Variants in OSBPL5 observed in about 807,000 individuals in gnomAD.
OSBPL5 encodes oxysterol binding protein like 5.
A neutral mutation model predicts 111.2 loss-of-function variants in OSBPL5; 71 were observed. The observed-to-expected ratio is 0.64, with a 90% CI of 0.53 to 0.78. The LOEUF (loss-of-function observed/expected upper bound fraction) is 0.78, where lower values mean the gene tolerates loss of function less well. Among genes scored for constraint, OSBPL5 ranks in the 30% least tolerant of loss-of-function variants. The pLI is 0.00. For missense variants in OSBPL5, 1,210 were observed against 1,189.3 expected, an observed-to-expected ratio of 1.02 and a Z score of -0.26; for synonymous variants, 549 against 513.9, an observed-to-expected ratio of 1.07 and a Z score of -0.93.
At chr11:3,125,188 G>A (rs1858569862) in intron 3 of OSBPL5, among the ~76,000 whole-genome samples, 1 of 152,230 alleles carries the variant, frequency 6.6e-6, no homozygotes, top group African/African-American at 2.4e-5. Context: ...GCTCAGAACT[G>A]TGAACTTCAG....
Position 3,156,920 on chromosome 11 carries a change from C to A in OSBPL5, c.-22+8296G>T, listed in dbSNP as rs1846779147. ...CTGGGGCTTTAAGACTTGCCCATGGCCCCACACAGGGTGGGGATTCCCACC... is the reference window on the plus strand; with the variant it reads ...CTGGGGCTTTAAGACTTGCCCATGGACCCACACAGGGTGGGGATTCCCACC... On this transcript the variant is annotated intron_variant, in intron 1 of 21. Transcript: ENST00000263650. Among the ~76,000 whole-genome samples the A allele has an allele frequency of 2.6e-5, 4 of 152,190 alleles. No homozygotes were observed. In the South Asian group the frequency reaches 8.3e-4, roughly 31 times the overall value.
intron 15 of OSBPL5, 132 bp from the exon 16 acceptor site, chr11:3,093,967 G>A (rs572059635): frequency 9.1e-6 from 10 of 1,100,762 alleles, no homozygotes; most frequent in South Asian, 3.0e-5. Flanking sequence ...CCCAACCCTC[G>A]CCAACGAGGC....
At position 3,162,137 on chromosome 11, in the gene OSBPL5, A is replaced by G. The variant is rs1846983905; in HGVS notation, c.-22+3079T>C. Among the ~76,000 whole-genome samples the G allele has an allele frequency of 6.6e-6, 1 of 152,120 alleles. No individual in the cohort carries two copies. The highest frequency in any genetic ancestry group is 2.1e-4 in the South Asian group (1 of 4,830). ...TACATGAAGTGGTTTATCTTTTTAA[A>G]CACCATGCTGGCTGCTGGCTGGAGA... On this transcript the variant is annotated intron_variant, in intron 1 of 21. Coordinates refer to ENST00000263650, the MANE Select transcript of OSBPL5 (RefSeq NM_020896.4). The surrounding 1 kb of genome is among the most constrained non-coding windows in gnomAD (Gnocchi z 8.1).
chr11:3,116,856 A>C (rs1052125503), intron 7 of OSBPL5, among the ~76,000 whole-genome samples: 41 of 141,844 alleles, frequency 2.9e-4, no homozygotes, highest in Non-Finnish European at 4.5e-4. Context: ...CTCCATCACA[A>C]AAAAAAAAAA....
chr11:3,087,305 C>T lies in OSBPL5; in HGVS notation c.*900G>A, dbSNP rs117001564. 4.5e-3 allele frequency: 697 copies of T among 154,296 alleles called. 4 individuals carry two copies. Among genetic ancestry groups the T allele is most frequent in the Non-Finnish European group, 7.6e-3 (520 of 68,434 alleles). The allele number at this position is 154,296 out of a possible 1,614,324, so 9.6% of individuals were successfully genotyped here. ...ATATATGTGTAGAGGCTCACACACG[C>T]GCACACGCACACGCAGAGCGGCACT... On this transcript the variant is annotated 3_prime_UTR_variant, in exon 22 of 22. Transcript: ENST00000263650.
chr11:3,117,333 A>G (rs2121439), intron 7 of OSBPL5, among the ~76,000 whole-genome samples: 22,279 of 152,214 alleles, frequency 0.15, 1,755 homozygotes, highest in East Asian at 0.25. Flanking sequence ...GGAGCTCCAA[A>G]TTTATCTTGG....
At chr11:3,097,366 A>G (rs1421999237) in intron 14 of OSBPL5, among the ~76,000 whole-genome samples, 1 of 152,108 alleles carries the variant, frequency 6.6e-6, no homozygotes, top group Non-Finnish European at 1.5e-5. Flanking sequence ...GAGTCAAGGA[A>G]ACATTTGTAT....
chr11:3,114,323 A>G (rs2134443133), intron 7 of OSBPL5, among the ~76,000 whole-genome samples: 1 of 152,272 alleles, frequency 6.6e-6, no homozygotes, highest in East Asian at 1.9e-4. Context: ...AAGAGAAATA[A>G]TTTCATATGA....
intron 1 of OSBPL5, among the ~76,000 whole-genome samples, chr11:3,137,858 C>T (rs1261519477): frequency 7.2e-5 from 11 of 152,222 alleles, no homozygotes; most frequent in Admixed American, 1.3e-4. Flanking sequence ...TCTAAGGTCT[C>T]GTGGGCCAGG....
chr11:3,112,588 T>G (rs1459000014), intron 7 of OSBPL5, among the ~76,000 whole-genome samples: 3 of 151,812 alleles, frequency 2.0e-5, no homozygotes, highest in Non-Finnish European at 4.4e-5. Context: ...TAAAAAAAAT[T>G]TGTAAGTGCA....
intron 1 of OSBPL5, among the ~76,000 whole-genome samples, chr11:3,156,154 C>T (rs1016463666): frequency 1.3e-5 from 2 of 152,276 alleles, no homozygotes; most frequent in East Asian, 1.9e-4. Context: ...GGCCCCATCT[C>T]GCTGGGCTGC....
chr11:3,151,834 G>C (rs1846597352), intron 1 of OSBPL5, among the ~76,000 whole-genome samples: 1 of 152,240 alleles, frequency 6.6e-6, no homozygotes, highest in South Asian at 2.1e-4. Flanking sequence ...ACCTTCTCCT[G>C]CCTCCCTGGG....
At chr11:3,160,643 T>C (rs1393913000) in intron 1 of OSBPL5, among the ~76,000 whole-genome samples, 6 of 148,894 alleles carry the variant, frequency 4.0e-5, no homozygotes, top group East Asian at 2.0e-4. Context: ...CTGCTGACCA[T>C]CCCCAAAGTC....
rs1857882259 is a variant in OSBPL5, at chr11:3,110,456, A to T, written c.692-2511T>A. ...GTGCAATGCATTTGGGAGTCAGGGA[A>T]ATTCTCGTTCTAGCACTTTCTTGCT... On this transcript the variant is annotated intron_variant, in intron 7 of 21. Coordinates refer to ENST00000263650, the MANE Select transcript of OSBPL5 (RefSeq NM_020896.4). This position sits in a 1 kb window ranked among gnomAD's most constrained non-coding sequence, Gnocchi z 5.3. Among the ~76,000 whole-genome samples the T allele has an allele frequency of 6.6e-6, 1 of 152,196 alleles. No homozygotes were observed. Among genetic ancestry groups the T allele is most frequent in the Admixed American group, 6.5e-5 (1 of 15,290 alleles).
chr11:3,112,482 T>C (rs1590667403), intron 7 of OSBPL5, among the ~76,000 whole-genome samples: 1 of 146,128 alleles, frequency 6.8e-6, no homozygotes, highest in African/African-American at 2.6e-5. Context: ...TCTTTTCTTT[T>C]TTTTTTTTTT....
rs529570484 is a variant in OSBPL5, at chr11:3,142,965, C to T, written c.-21-13796G>A. Among the ~76,000 whole-genome samples, 128 of 139,966 alleles carry T rather than the reference C, an allele frequency of 9.1e-4. No homozygotes were observed. Among genetic ancestry groups the T allele is most frequent in the African/African-American group, 2.5e-3 (93 of 37,068 alleles). The allele number at this position is 139,966 out of a possible 152,430, so 91.8% of individuals were successfully genotyped here. A position where few individuals can be genotyped will look rare whatever the true frequency, so the allele number is the denominator to read the frequency against. Reference sequence around the variant, plus strand: ...TTGGGACCCAGCATCTGGGTCTGGACGGTCCTGGAGCCTGCAGAGCAGGGC... The same window carrying T: ...TTGGGACCCAGCATCTGGGTCTGGATGGTCCTGGAGCCTGCAGAGCAGGGC... On this transcript the variant is annotated intron_variant, in intron 1 of 21. Coordinates refer to ENST00000263650, the MANE Select transcript of OSBPL5 (RefSeq NM_020896.4). The surrounding 1 kb of genome is among the most constrained non-coding windows in gnomAD (Gnocchi z 7.1).
intron 3 of OSBPL5, among the ~76,000 whole-genome samples, chr11:3,125,691 G>C (rs1362514957): frequency 2.0e-5 from 3 of 151,864 alleles, no homozygotes; most frequent in Non-Finnish European, 2.9e-5. Context: ...TGTAGTCCCA[G>C]CTACTCGGGA....
intron 1 of OSBPL5, among the ~76,000 whole-genome samples, chr11:3,153,376 T>G (rs1470443363): frequency 6.6e-6 from 1 of 152,212 alleles, no homozygotes; most frequent in Non-Finnish European, 1.5e-5. Context: ...CAAGGTTGCA[T>G]GTAATGCATT....
chr11:3,103,887 C>CCTTCCTGCCTCTGT (rs1857600587), intron 10 of OSBPL5, among the ~76,000 whole-genome samples: 39 of 45,366 alleles, frequency 8.6e-4, no homozygotes, highest in Non-Finnish European at 1.3e-3. Context: ...TCTGTAGCCC[C>CCTTCCTGCCTCTGT]ATTCCTGCCT....
Sources: gnomAD v4.1 joint callset for allele counts (sites outside exome capture counted in the v4.1 genomes callset) on GRCh38, gnomAD v4.1.1 for gene constraint, Gnocchi (gnomAD v3.1) non-coding constraint, MANE v1.5 for transcripts, NCBI Gene and HGNC (gene_info 2026-07-23, HGNC 2026-07-21) for gene names.